The following NCAM2 variants were observed in gnomAD, a reference collection of about 807,000 sequenced individuals.
NCAM2 encodes the protein neural cell adhesion molecule 2.
NCAM2 carries 30 observed loss-of-function variants against 98.1 expected under a neutral mutation model. The ratio of observed to expected loss-of-function variants is 0.31; its 90% CI spans 0.23 to 0.41. NCAM2 has a LOEUF of 0.41. NCAM2 is among the 10% of genes least tolerant of loss of function. NCAM2 has a pLI of 1.00. For synonymous variants in NCAM2, 368 were observed against 342.4 expected (o/e 1.07, Z -0.83); for missense variants, 867 against 1,005.8 (o/e 0.86, Z 1.87).
intron 8 of NCAM2, among the ~76,000 whole-genome samples, chr21:21,366,445 C>T (rs188472511): frequency 6.6e-6 from 1 of 152,158 alleles, no homozygotes; most frequent in Non-Finnish European, 1.5e-5. Context: ...TTATTTAATT[C>T]TCACCAGATG....
intron 12 of NCAM2, among the ~76,000 whole-genome samples, chr21:21,439,122 C>CTT (rs34655565): frequency 0.22 from 31,689 of 145,542 alleles, 3,569 homozygotes; most frequent in South Asian, 0.28. Flanking sequence ...TAAGTACTTC[C>CTT]TTTTTTTTTT....
intron 1 of NCAM2, among the ~76,000 whole-genome samples, chr21:21,224,376 A>G (rs1057400217): frequency 2.0e-5 from 3 of 152,192 alleles, no homozygotes; most frequent in African/African-American, 7.2e-5. Context: ...GTTTAAAGAT[A>G]ACCCAGGTAG....
At chr21:21,104,099 CT>C (rs1569026557) in intron 1 of NCAM2, among the ~76,000 whole-genome samples, 1 of 152,180 alleles carries the variant, frequency 6.6e-6, no homozygotes, top group Non-Finnish European at 1.5e-5. Flanking sequence ...CATTAATTAA[CT>C]TTTTTGAAAC....
intron 9 of NCAM2, among the ~76,000 whole-genome samples, chr21:21,406,861 C>T (rs1233115910): frequency 1.3e-5 from 2 of 152,134 alleles, no homozygotes; most frequent in Non-Finnish European, 2.9e-5. Flanking sequence ...CAAAAAAATG[C>T]AAGTTCAAGA....
intron 1 of NCAM2, among the ~76,000 whole-genome samples, chr21:21,172,867 A>G (rs2068168189): frequency 6.6e-6 from 1 of 152,140 alleles, no homozygotes; most frequent in Admixed American, 6.5e-5. Flanking sequence ...CCAAATGTAT[A>G]TTTTATAAAG....
At chr21:21,197,698 A>G (rs145560967) in intron 1 of NCAM2, among the ~76,000 whole-genome samples, 106 of 152,308 alleles carry the variant, frequency 7.0e-4, no homozygotes, top group African/African-American at 2.5e-3. Flanking sequence ...GTTTTCTCTT[A>G]TGAAGGATAA....
chr21:21,418,399 A>T, intron 10 of NCAM2, 74 bp from the exon 11 acceptor site: 2 of 1,011,110 alleles, frequency 2.0e-6, no homozygotes, highest in Non-Finnish European at 3.1e-6. Flanking sequence ...TGAAAGTGGT[A>T]GTCATACTGG....
At chr21:21,441,770 C>T (rs1979312074) in intron 12 of NCAM2, among the ~76,000 whole-genome samples, 3 of 152,070 alleles carry the variant, frequency 2.0e-5, no homozygotes, top group Admixed American at 2.0e-4. Flanking sequence ...AGTTAAGCTG[C>T]TAACAAAAGT....
At chr21:21,197,948 A>T (rs947467130) in intron 1 of NCAM2, among the ~76,000 whole-genome samples, 1 of 152,148 alleles carries the variant, frequency 6.6e-6, no homozygotes, top group South Asian at 2.1e-4. Context: ...TACTGTTACT[A>T]TGACTGGAGA....
chr21:21,185,923 A>G (rs2068627701), intron 1 of NCAM2, among the ~76,000 whole-genome samples: 1 of 152,204 alleles, frequency 6.6e-6, no homozygotes, highest in African/African-American at 2.4e-5. Flanking sequence ...CCGAACTAAC[A>G]TTTTAGAAGA....
At chr21:21,273,636 TA>T (rs572122902) in intron 1 of NCAM2, among the ~76,000 whole-genome samples, 204 of 152,098 alleles carry the variant, frequency 1.3e-3, no homozygotes, top group African/African-American at 4.7e-3. Flanking sequence ...GAGGACAGAA[TA>T]AAAAACAAAG....
chr21:21,176,182 A>G (rs79118600), intron 1 of NCAM2, among the ~76,000 whole-genome samples: 3,944 of 152,266 alleles, frequency 0.026, 100 homozygotes, highest in African/African-American at 0.054. Context: ...TGGAAGCACT[A>G]GGCTATTTGT....
At chr21:21,218,184 G>A (rs1365482511) in intron 1 of NCAM2, among the ~76,000 whole-genome samples, 1 of 152,208 alleles carries the variant, frequency 6.6e-6, no homozygotes, top group African/African-American at 2.4e-5. Flanking sequence ...TTGTTAGGTA[G>A]GGCTTACTTG....
chr21:21,375,293 C>T (rs996637053), intron 9 of NCAM2, among the ~76,000 whole-genome samples: 42 of 148,456 alleles, frequency 2.8e-4, no homozygotes, highest in Non-Finnish European at 3.1e-4. Flanking sequence ...CTTTTTAAAA[C>T]TATTCATACA....
intron 3 of NCAM2, among the ~76,000 whole-genome samples, chr21:21,284,930 T>TG (rs1245852307): frequency 1.3e-5 from 2 of 151,774 alleles, no homozygotes; most frequent in Admixed American, 6.6e-5. Context: ...TTTTATGTCC[T>TG]GGGATGGATT....
intron 1 of NCAM2, among the ~76,000 whole-genome samples, chr21:21,130,568 A>G (rs1437561416): frequency 6.6e-6 from 1 of 152,158 alleles, no homozygotes; most frequent in Non-Finnish European, 1.5e-5. Context: ...CCGATAGATT[A>G]TTGGTAATCT....
intron 1 of NCAM2, among the ~76,000 whole-genome samples, chr21:21,111,624 C>T (rs112330619): frequency 9.9e-5 from 15 of 152,126 alleles, no homozygotes; most frequent in Admixed American, 3.9e-4. Context: ...TTCACAGGAA[C>T]GAGAAGAAAG....
chr21:21,460,786 T>G (rs531713343), intron 12 of NCAM2, among the ~76,000 whole-genome samples: 4 of 151,972 alleles, frequency 2.6e-5, no homozygotes, highest in African/African-American at 9.6e-5. Context: ...AATACAATAA[T>G]GAGGGTGTGA....
chr21:21,483,373 AT>A (rs1049395427), intron 15 of NCAM2, among the ~76,000 whole-genome samples: 129 of 151,526 alleles, frequency 8.5e-4, no homozygotes, highest in African/African-American at 2.8e-3. Context: ...GCTAAAAAAA[AT>A]AATATAAATC....
Sources: allele counts gnomAD v4.1 joint callset (sites outside exome capture counted in the v4.1 genomes callset), GRCh38; gene constraint gnomAD v4.1.1; transcripts MANE v1.5; gene names NCBI Gene and HGNC (gene_info 2026-07-23, HGNC 2026-07-21).